ANKS1B: variants seen among roughly 807,000 people sequenced by gnomAD.
ANKS1B encodes ankyrin repeat and sterile alpha motif domain-containing protein 1B.
ANKS1B carries 36 observed loss-of-function variants against 148.3 expected under a neutral mutation model. The observed-to-expected ratio is 0.24, with a 90% confidence interval of 0.19 to 0.32. The LOEUF is 0.32. Among genes scored for constraint, ANKS1B ranks in the 10% least tolerant of loss-of-function variants. The pLI, the probability that ANKS1B is intolerant of heterozygous loss-of-function variation, is 1.00. For missense variants in ANKS1B, 1,157 were observed against 1,542.6 expected, an observed-to-expected ratio of 0.75 and a Z score of 4.19; for synonymous variants, 542 against 560.8, an observed-to-expected ratio of 0.97 and a Z score of 0.47.
At chr12:99,336,890 T>C (rs1012552164) in intron 12 of ANKS1B, among the ~76,000 whole-genome samples, 3 of 152,156 alleles carry the variant, frequency 2.0e-5, no homozygotes, top group African/African-American at 7.2e-5. Flanking sequence ...TGAAACTCCA[T>C]TGAATGTTAT....
intron 10 of ANKS1B, 113 bp downstream of exon 10, chr12:99,504,363 T>G: frequency 4.7e-6 from 5 of 1,069,572 alleles, no homozygotes; most frequent in Non-Finnish European, 6.8e-6. Flanking sequence ...TGGAACTACA[T>G]TGGGGGAACT....
intron 1 of ANKS1B, among the ~76,000 whole-genome samples, chr12:99,970,899 T>C (rs553981427): frequency 6.6e-6 from 1 of 152,342 alleles, no homozygotes; most frequent in East Asian, 1.9e-4. Context: ...TATCACCCTG[T>C]ATTTTACCTT....
intron 10 of ANKS1B, among the ~76,000 whole-genome samples, chr12:99,466,443 C>T (rs1595375869): frequency 6.6e-6 from 1 of 151,662 alleles, no homozygotes; most frequent in East Asian, 1.9e-4. Flanking sequence ...AAAATCAGAG[C>T]AGAACTGAAG....
chr12:99,915,492 A>T (rs2094145783), intron 1 of ANKS1B, among the ~76,000 whole-genome samples: 1 of 152,278 alleles, frequency 6.6e-6, no homozygotes, highest in South Asian at 2.1e-4. Flanking sequence ...AATCATAAGT[A>T]GGTCCTAAAA....
chr12:99,794,542 G>A (rs2066018163), intron 4 of ANKS1B, among the ~76,000 whole-genome samples: 1 of 150,570 alleles, frequency 6.6e-6, no homozygotes, highest in African/African-American at 2.4e-5. Flanking sequence ...TCTGTCATTT[G>A]CAACAACATG....
At chr12:98,853,995 T>C (rs568474203) in intron 17 of ANKS1B, among the ~76,000 whole-genome samples, 7 of 152,166 alleles carry the variant, frequency 4.6e-5, no homozygotes, top group Non-Finnish European at 1.0e-4. Flanking sequence ...GAGCCGTGGA[T>C]TGGCTCACAT....
At chr12:99,050,840 C>T (rs1447696477) in intron 17 of ANKS1B, among the ~76,000 whole-genome samples, 3 of 150,974 alleles carry the variant, frequency 2.0e-5, no homozygotes, top group South Asian at 2.1e-4. Flanking sequence ...TACAGGTGCC[C>T]GCCACCACGC....
At chr12:99,962,271 A>C (rs1346766525) in intron 1 of ANKS1B, among the ~76,000 whole-genome samples, 1 of 151,554 alleles carries the variant, frequency 6.6e-6, no homozygotes. Context: ...TCATTGCTCA[A>C]CTCCCACTTA....
chr12:99,339,573 C>T (rs1440874453), intron 12 of ANKS1B, among the ~76,000 whole-genome samples: 2 of 152,126 alleles, frequency 1.3e-5, no homozygotes, highest in Non-Finnish European at 2.9e-5. Context: ...GGAGTACAAT[C>T]GCTGGAGGGT....
chr12:99,762,884 T>C (rs1255610739), intron 8 of ANKS1B, among the ~76,000 whole-genome samples: 3 of 151,850 alleles, frequency 2.0e-5, no homozygotes, highest in Admixed American at 6.6e-5. Context: ...TTAATAAGTA[T>C]GTGAAAAAAA....
intron 25 of ANKS1B, among the ~76,000 whole-genome samples, chr12:98,756,544 C>A (rs551661004): frequency 1.5e-5 from 2 of 131,406 alleles, no homozygotes; most frequent in South Asian, 5.3e-4. Flanking sequence ...AACCCCATCC[C>A]TACTAAAAAT....
At chr12:99,207,489 A>G (rs913001666) in intron 14 of ANKS1B, among the ~76,000 whole-genome samples, 3 of 152,150 alleles carry the variant, frequency 2.0e-5, no homozygotes, top group East Asian at 1.9e-4. Flanking sequence ...TATCATATAG[A>G]AGAGCTCAAC....
At chr12:99,603,750 GA>G (rs1386491778) in intron 9 of ANKS1B, among the ~76,000 whole-genome samples, 4 of 151,774 alleles carry the variant, frequency 2.6e-5, no homozygotes, top group Non-Finnish European at 5.9e-5. Flanking sequence ...TGCCTTCAGA[GA>G]AAAAAAATCT....
chr12:99,779,452 A>G (rs908580523), intron 6 of ANKS1B, among the ~76,000 whole-genome samples: 1 of 152,218 alleles, frequency 6.6e-6, no homozygotes, highest in African/African-American at 2.4e-5. Flanking sequence ...AAAGTAAAAT[A>G]ATATCTGACT....
At chr12:99,953,733 T>C (rs1221249326) in intron 1 of ANKS1B, among the ~76,000 whole-genome samples, 2 of 151,418 alleles carry the variant, frequency 1.3e-5, no homozygotes. Flanking sequence ...CATGCAGAGG[T>C]TCATCTTAGA....
chr12:99,447,285 C>T (rs2095651763), intron 10 of ANKS1B, among the ~76,000 whole-genome samples: 2 of 151,656 alleles, frequency 1.3e-5, no homozygotes. Context: ...AAAATTAGAC[C>T]TTCATCTCAC....
intron 8 of ANKS1B, 110 bp downstream of exon 8, chr12:99,772,812 A>G (rs1038336518): frequency 3.5e-6 from 4 of 1,148,586 alleles, no homozygotes; most frequent in Middle Eastern, 2.1e-4. Context: ...GGAAACTGAC[A>G]TCTTAGAGTG....
chr12:99,184,375 T>C lies in ANKS1B; in HGVS notation c.2420-29980A>G, dbSNP rs1242383794. ...ATTGGAATTTGGCCTAGAGGACTGA[T>C]AGGAGGTACAGTTTAGCTCCATTTG... On this transcript the variant is annotated intron_variant, in intron 14 of 26. Coordinates refer to ENST00000683438, the MANE Select transcript of ANKS1B (RefSeq NM_001352186.2). 2.6e-5 allele frequency among the ~76,000 whole-genome samples: 4 copies of C among 152,280 alleles called. No individual in the cohort carries two copies. The East Asian group carries it at 7.7e-4, about 29-fold the overall frequency.
chr12:99,336,609 T>C (rs1303467092), intron 12 of ANKS1B, among the ~76,000 whole-genome samples: 2 of 152,134 alleles, frequency 1.3e-5, no homozygotes, highest in Non-Finnish European at 2.9e-5. Flanking sequence ...GCCACCATCA[T>C]TTATTGAAGA....
Sources: gnomAD v4.1 joint callset for allele counts (sites outside exome capture counted in the v4.1 genomes callset) on GRCh38, gnomAD v4.1.1 for gene constraint, MANE v1.5 for transcripts, NCBI Gene and HGNC (gene_info 2026-07-23, HGNC 2026-07-21) for gene names.